FOXP2: variants seen among roughly 807,000 people sequenced by gnomAD.
FOXP2 encodes forkhead box P2, also known as forkhead box protein P2.
In FOXP2, 12 loss-of-function variants were observed where a neutral mutation model predicts 115.8. The observed-to-expected ratio is 0.10, with a 90% CI of 0.07 to 0.17. The LOEUF is 0.17. FOXP2 is among the 10% of genes least tolerant of loss of function. The pLI, the probability that FOXP2 is intolerant of heterozygous loss-of-function variation, is 1.00. For missense variants in FOXP2, 629 were observed against 843.5 expected, an observed-to-expected ratio of 0.75 and a Z score of 3.15; for synonymous variants, 328 against 297.7, an observed-to-expected ratio of 1.10 and a Z score of -1.05.
chr7:114,642,275 A>AT, intron 6 of FOXP2, 135 bp from the exon 7 acceptor site: 4 of 722,848 alleles, frequency 5.5e-6, no homozygotes, highest in South Asian at 1.7e-5. Context: ...TGTAAAAGTG[A>AT]TTTTTTGTTG....
chr7:114,322,299 A>G (rs1484378281), intron 2 of FOXP2, among the ~76,000 whole-genome samples: 1 of 151,602 alleles, frequency 6.6e-6, no homozygotes, highest in Non-Finnish European at 1.5e-5. Context: ...CTGGGATTAC[A>G]GGCATGAGCC....
intron 2 of FOXP2, among the ~76,000 whole-genome samples, chr7:114,337,779 G>A (rs950609862): frequency 2.6e-5 from 4 of 151,098 alleles, no homozygotes; most frequent in African/African-American, 9.7e-5. Flanking sequence ...TCATACAAAA[G>A]TAATTGGGGT....
intron 1 of FOXP2, among the ~76,000 whole-genome samples, chr7:114,276,721 C>T (rs575297903): frequency 6.6e-6 from 1 of 152,200 alleles, no homozygotes; most frequent in Non-Finnish European, 1.5e-5. Flanking sequence ...TTATTGTCTA[C>T]CTCTTCAGTC....
intron 1 of FOXP2, among the ~76,000 whole-genome samples, chr7:114,269,682 T>C (rs1267419107): frequency 6.6e-6 from 1 of 152,206 alleles, no homozygotes; most frequent in Non-Finnish European, 1.5e-5. Flanking sequence ...TCTACTATTG[T>C]GAGTCTCTTA....
chr7:114,224,025 T>G (rs1794686743), intron 1 of FOXP2, among the ~76,000 whole-genome samples: 1 of 152,082 alleles, frequency 6.6e-6, no homozygotes, highest in Non-Finnish European at 1.5e-5. Flanking sequence ...GATAGTGTAA[T>G]CAGAACCAAT....
rs989915515 is a variant in FOXP2 at position 114,643,286 on chromosome 7, A to C, written c.989+663A>C. Among the ~76,000 whole-genome samples, 4 of 152,162 alleles carry C rather than the reference A, an allele frequency of 2.6e-5. No individual in the cohort carries two copies. In the East Asian group the frequency reaches 7.7e-4, roughly 29 times the overall value. ...GCTGAGAACATTTTTTAAGCTAAAA[A>C]TCAGTTCTTTAATTTCAAATAATTA... On this transcript the variant is annotated intron_variant, in intron 7 of 16. Transcript: ENST00000350908.
intron 1 of FOXP2, among the ~76,000 whole-genome samples, chr7:114,091,668 G>C (rs1799546943): frequency 2.6e-5 from 4 of 151,786 alleles, no homozygotes; most frequent in Non-Finnish European, 5.9e-5. Context: ...CACTTTTACT[G>C]TTTCATGTTG....
At chr7:114,474,872 T>A (rs1056649250) in intron 2 of FOXP2, among the ~76,000 whole-genome samples, 6 of 152,128 alleles carry the variant, frequency 3.9e-5, no homozygotes, top group African/African-American at 1.2e-4. Context: ...CTTGTTCCAG[T>A]TCTCTGTTCC....
At chr7:114,407,501 C>T (rs1171796820) in intron 2 of FOXP2, among the ~76,000 whole-genome samples, 2 of 152,036 alleles carry the variant, frequency 1.3e-5, no homozygotes, top group African/African-American at 4.8e-5. Flanking sequence ...ACCTGAAACA[C>T]TGCTGGAAAT....
chr7:114,294,917 T>A (rs1165001084), intron 2 of FOXP2, among the ~76,000 whole-genome samples: 1 of 152,064 alleles, frequency 6.6e-6, no homozygotes, highest in Non-Finnish European at 1.5e-5. Context: ...CATATATACA[T>A]ACATACATAC....
intron 3 of FOXP2, among the ~76,000 whole-genome samples, chr7:114,546,647 C>T (rs1183397282): frequency 6.6e-6 from 1 of 152,076 alleles, no homozygotes; most frequent in Non-Finnish European, 1.5e-5. Flanking sequence ...GGCCCCTAAT[C>T]CCTGGAGTCT....
chr7:114,671,357 C>T (rs770202948), intron 16 of FOXP2, among the ~76,000 whole-genome samples: 20 of 152,080 alleles, frequency 1.3e-4, no homozygotes, highest in Non-Finnish European at 2.5e-4. Flanking sequence ...ATATCCCCAC[C>T]GTGCCAATTG....
chr7:114,244,250 G>C (rs1243127696), intron 1 of FOXP2, among the ~76,000 whole-genome samples: 1 of 152,050 alleles, frequency 6.6e-6, no homozygotes, highest in African/African-American at 2.4e-5. Context: ...TGGTATATTT[G>C]TCACAATAAA....
At chr7:114,590,591 T>C (rs1301592626) in intron 3 of FOXP2, among the ~76,000 whole-genome samples, 1 of 152,178 alleles carries the variant, frequency 6.6e-6, no homozygotes, top group East Asian at 1.9e-4. Context: ...TGCAGATATA[T>C]GCAGAGAAGT....
intron 2 of FOXP2, among the ~76,000 whole-genome samples, chr7:114,334,957 A>G (rs1436799821): frequency 6.9e-6 from 1 of 144,744 alleles, no homozygotes; most frequent in Non-Finnish European, 1.5e-5. Context: ...ATATATATAT[A>G]TAGAAATCCA....
chr7:114,086,645 A>G, upstream of FOXP2: 1 of 368,842 alleles, frequency 2.7e-6, no homozygotes, highest in Non-Finnish European at 5.4e-6. Flanking sequence ...GGCGCGCTAC[A>G]CCTCCGCACC....
chr7:114,376,240 G>T (rs1792134055), intron 2 of FOXP2, among the ~76,000 whole-genome samples: 2 of 152,152 alleles, frequency 1.3e-5, no homozygotes. Flanking sequence ...CTTAATTCTG[G>T]ATAGCAATAA....
At chr7:114,333,559 C>T (rs1797767606) in intron 2 of FOXP2, among the ~76,000 whole-genome samples, 1 of 152,190 alleles carries the variant, frequency 6.6e-6, no homozygotes, top group Non-Finnish European at 1.5e-5. Flanking sequence ...TCGAGATCAG[C>T]CTGGCTAAAA....
chr7:114,647,862 T>C lies in FOXP2; in HGVS notation c.1094+3073T>C, dbSNP rs60627598. Reference sequence around the variant, plus strand: ...TATAACATTCCATTTAGCAGACAAGTGTTCTTGAACCTGCAAGCATAGATG... The same window carrying C: ...TATAACATTCCATTTAGCAGACAAGCGTTCTTGAACCTGCAAGCATAGATG... On this transcript the variant is annotated intron_variant, in intron 8 of 16. Transcript: ENST00000350908. 2.1e-4 allele frequency among the ~76,000 whole-genome samples: 32 copies of C among 152,142 alleles called. 1 individual carries two copies. Among genetic ancestry groups the C allele is most frequent in the African/African-American group, 6.7e-4 (28 of 41,550 alleles).
Sources: allele counts gnomAD v4.1 joint callset (sites outside exome capture counted in the v4.1 genomes callset), GRCh38; gene constraint gnomAD v4.1.1; transcripts MANE v1.5; gene names NCBI Gene and HGNC (gene_info 2026-07-23, HGNC 2026-07-21).